LRRC7: variants seen among roughly 807,000 people sequenced by gnomAD.
LRRC7 encodes leucine-rich repeat-containing protein 7.
A neutral mutation model predicts 175.7 loss-of-function variants in LRRC7; 23 were observed. The ratio of observed to expected loss-of-function variants is 0.13; its 90% CI spans 0.09 to 0.19. LRRC7 has a LOEUF of 0.19. LRRC7 is among the 10% of genes least tolerant of loss of function. The pLI is 1.00. For synonymous variants in LRRC7, 685 were observed against 680.9 expected (o/e 1.01, Z -0.09); for missense variants, 1,354 against 1,904.7 (o/e 0.71, Z 5.38).
chr1:69,908,059 G>T (rs192074789), intron 7 of LRRC7, among the ~76,000 whole-genome samples: 39 of 152,288 alleles, frequency 2.6e-4, no homozygotes, highest in Admixed American at 2.4e-3. Flanking sequence ...GGAGGTGTTT[G>T]TAGTATTCTC....
At chr1:69,939,290 T>C (rs1011646610) in intron 8 of LRRC7, among the ~76,000 whole-genome samples, 1 of 151,300 alleles carries the variant, frequency 6.6e-6, no homozygotes, top group South Asian at 2.1e-4. Context: ...TGAAATTGGG[T>C]CTTCGACTTC....
At chr1:69,714,136 C>A (rs931336604) in intron 2 of LRRC7, among the ~76,000 whole-genome samples, 2 of 152,150 alleles carry the variant, frequency 1.3e-5, no homozygotes, top group African/African-American at 2.4e-5. Flanking sequence ...ATGAGATTCT[C>A]CTTCTGCCAC....
chr1:69,713,956 T>C (rs2100744311), intron 2 of LRRC7, among the ~76,000 whole-genome samples: 1 of 152,236 alleles, frequency 6.6e-6, no homozygotes, highest in South Asian at 2.1e-4. Context: ...TTCTTCTCTC[T>C]CTTCTTATTC....
chr1:69,972,496 G>A (rs923407682), intron 8 of LRRC7, among the ~76,000 whole-genome samples: 9 of 152,144 alleles, frequency 5.9e-5, no homozygotes, highest in Admixed American at 5.9e-4. Context: ...TATACAAATG[G>A]CAAACAAACA....
intron 10 of LRRC7, among the ~76,000 whole-genome samples, chr1:69,992,915 A>AAAG (rs1654582382): frequency 3.3e-5 from 5 of 152,098 alleles, no homozygotes; most frequent in Admixed American, 2.6e-4. Context: ...TTGCTCAGTC[A>AAAG]TCTGTAACCC....
At chr1:70,053,183 T>G in intron 23 of LRRC7, 38 bp downstream of exon 23, 3 of 1,554,860 alleles carry the variant, frequency 1.9e-6, no homozygotes, top group Non-Finnish European at 2.6e-6. Flanking sequence ...ACCATGAACC[T>G]TGCACAATCT....
At chr1:69,653,807 A>G (rs543815469) in intron 1 of LRRC7, among the ~76,000 whole-genome samples, 4 of 152,246 alleles carry the variant, frequency 2.6e-5, no homozygotes, top group Non-Finnish European at 4.4e-5. Context: ...TGTCACGTGC[A>G]AAAACATGGA....
chr1:69,800,912 A>G (rs1676403096), intron 4 of LRRC7, among the ~76,000 whole-genome samples: 1 of 151,644 alleles, frequency 6.6e-6, no homozygotes, highest in African/African-American at 2.4e-5. Context: ...TGTTCTTTCT[A>G]TGCCTAGTTT....
intron 3 of LRRC7, among the ~76,000 whole-genome samples, chr1:69,790,061 T>C (rs1317999159): frequency 6.6e-6 from 1 of 152,020 alleles, no homozygotes; most frequent in Non-Finnish European, 1.5e-5. Flanking sequence ...CAGGGTGCAT[T>C]CCAAATATCA....
At chr1:69,578,182 C>T (rs928571332) in intron 1 of LRRC7, among the ~76,000 whole-genome samples, 2 of 151,618 alleles carry the variant, frequency 1.3e-5, no homozygotes, top group South Asian at 2.1e-4. Context: ...CCAAAAAACA[C>T]GTGAAAAAAT....
intron 7 of LRRC7, among the ~76,000 whole-genome samples, chr1:69,886,886 T>G (rs1471898122): frequency 1.3e-5 from 2 of 151,738 alleles, no homozygotes; most frequent in Admixed American, 6.6e-5. Flanking sequence ...AAGCTTAGTT[T>G]GGCTGGATAT....
At chr1:69,920,155 A>G (rs1338079484) in intron 7 of LRRC7, 2 of 187,216 alleles carry the variant, frequency 1.1e-5, no homozygotes, top group Non-Finnish European at 2.2e-5. Flanking sequence ...GAGCCGCCCC[A>G]TGTCCCACCA....
chr1:70,033,828 A>T (rs74324719), intron 18 of LRRC7, among the ~76,000 whole-genome samples: 32,774 of 152,022 alleles, frequency 0.22, 3,576 homozygotes, highest in African/African-American at 0.24. Flanking sequence ...AGCTATTTGG[A>T]TTGCTTTTTT....
chr1:69,665,716 T>C (rs908700021), intron 1 of LRRC7, among the ~76,000 whole-genome samples: 3 of 152,136 alleles, frequency 2.0e-5, no homozygotes, highest in Non-Finnish European at 4.4e-5. Flanking sequence ...TTCTAATAGT[T>C]TTCTTGGTGG....
chr1:69,644,636 C>T (rs1654735262), intron 1 of LRRC7, among the ~76,000 whole-genome samples: 2 of 152,038 alleles, frequency 1.3e-5, no homozygotes, highest in Middle Eastern at 3.4e-3. Context: ...CAATATTAAG[C>T]ACACACGTTC....
At chr1:69,804,972 C>T (rs530688021) in intron 4 of LRRC7, among the ~76,000 whole-genome samples, 2 of 151,800 alleles carry the variant, frequency 1.3e-5, no homozygotes, top group South Asian at 2.1e-4. Flanking sequence ...GAGACTACGA[C>T]ACTATAATTT....
chr1:69,760,403 G>A lies in LRRC7; in HGVS notation c.303+10G>A, dbSNP rs1164985572. The A allele has an allele frequency of 6.2e-7, 1 of 1,604,278 alleles. No individual in the cohort carries two copies. Among genetic ancestry groups the A allele is most frequent in the East Asian group, 2.2e-5 (1 of 44,730 alleles). ...TGAAGAACTACCCAAGGTAACTTTT[G>A]ACAACCTAAAATATACAATGTAAAT... On this transcript the variant is annotated intron_variant, in intron 3 of 26. Transcript: ENST00000651989.
At chr1:69,894,043 C>T (rs17131083) in intron 7 of LRRC7, among the ~76,000 whole-genome samples, 3,395 of 152,142 alleles carry the variant, frequency 0.022, 113 homozygotes, top group African/African-American at 0.078. Context: ...TCCAGTATAA[C>T]GGTTAGATCA....
At chr1:69,771,681 G>C (rs945344911) in intron 3 of LRRC7, among the ~76,000 whole-genome samples, 2 of 152,150 alleles carry the variant, frequency 1.3e-5, no homozygotes, top group African/African-American at 4.8e-5. Context: ...TTATGTGCAA[G>C]CATTGTTCTA....
Sources: gnomAD v4.1 joint callset for allele counts (sites outside exome capture counted in the v4.1 genomes callset) on GRCh38, gnomAD v4.1.1 for gene constraint, MANE v1.5 for transcripts, NCBI Gene and HGNC (gene_info 2026-07-23, HGNC 2026-07-21) for gene names.